STK32A: variants seen among roughly 807,000 people sequenced by gnomAD.
STK32A encodes the protein serine/threonine-protein kinase 32A.
A neutral mutation model predicts 53.2 loss-of-function variants in STK32A; 41 were observed. That is an observed-to-expected ratio of 0.77 (90% CI 0.60 to 1.00). The LOEUF (loss-of-function observed/expected upper bound fraction) is 1.00. Among genes scored for constraint, STK32A ranks in the 50% least tolerant of loss-of-function variants. The probability of loss-of-function intolerance (pLI) is 0.00; values close to 1 mark genes in which losing one functional copy is unlikely to be tolerated. For missense variants in STK32A, 458 were observed against 485.8 expected, an observed-to-expected ratio of 0.94 and a Z score of 0.54; for synonymous variants, 166 against 162.8, an observed-to-expected ratio of 1.02 and a Z score of -0.15.
chr5:147,276,845 T>A (rs1755283341), intron 2 of STK32A, among the ~76,000 whole-genome samples: 1 of 152,200 alleles, frequency 6.6e-6, no homozygotes, highest in Non-Finnish European at 1.5e-5. Context: ...TCAGTCCAAT[T>A]TTTTTCTTTT....
the STK32A span, among the ~76,000 whole-genome samples, chr5:147,398,557 C>T: frequency 6.6e-6 from 1 of 152,144 alleles, no homozygotes; most frequent in Non-Finnish European, 1.5e-5. Flanking sequence ...CAGTGTCGAG[C>T]CCGTTTCTGT....
At chr5:147,248,957 C>G (rs1440864049) in intron 2 of STK32A, among the ~76,000 whole-genome samples, 2 of 152,032 alleles carry the variant, frequency 1.3e-5, no homozygotes, top group Non-Finnish European at 2.9e-5. Context: ...AAGTGATAGG[C>G]TCTAGAACTG....
chr5:147,302,660 G>A (rs1292207055), intron 4 of STK32A, among the ~76,000 whole-genome samples: 1 of 152,080 alleles, frequency 6.6e-6, no homozygotes, highest in East Asian at 1.9e-4. Context: ...GGAAAGGGGA[G>A]GTCTGGTCTC....
intron 5 of STK32A, among the ~76,000 whole-genome samples, chr5:147,331,932 G>A (rs1434319668): frequency 6.6e-6 from 1 of 152,212 alleles, no homozygotes; most frequent in Non-Finnish European, 1.5e-5. Flanking sequence ...CATGGGCCCT[G>A]CTGGCATCTT....
intron 1 of STK32A, among the ~76,000 whole-genome samples, chr5:147,236,328 G>T (rs761951080): frequency 1.3e-5 from 2 of 152,070 alleles, no homozygotes; most frequent in African/African-American, 2.4e-5. Context: ...ATATGCTTTG[G>T]ATTTTCATTT....
rs543912258 is a variant in STK32A at position 147,351,174 on chromosome 5, C to CT, written c.562+30dup. On this transcript the variant is annotated intron_variant, in intron 7 of 12. Coordinates refer to ENST00000397936, the MANE Select transcript of STK32A (RefSeq NM_001112724.2). ...ACATGGGTATGGGTTTCATGAGTGT[C>CT]TTTTTTTTTTCTTTCCTGTAAATAC... 8,837 of 1,415,042 alleles carry CT rather than the reference C, an allele frequency of 6.2e-3. No homozygotes were observed. The highest frequency in any genetic ancestry group is 7.2e-3 in the Non-Finnish European group (7,504 of 1,037,586). 87.7% of individuals were successfully genotyped at this position (1,415,042 alleles called of 1,614,324 possible). A position where few individuals can be genotyped will look rare whatever the true frequency, so the allele number is the denominator to read the frequency against.
At chr5:147,314,740 C>CTTTTTTTTTTT (rs780298418) in intron 4 of STK32A, among the ~76,000 whole-genome samples, 2 of 136,034 alleles carry the variant, frequency 1.5e-5, no homozygotes, top group African/African-American at 2.7e-5. Context: ...CTTTCTTTTT[C>CTTTTTTTTTTT]TTTTTTTTTT....
rs1050075014 is a variant in STK32A at position 147,241,743 on chromosome 5, C to T, written c.52+2057C>T. Among the ~76,000 whole-genome samples the T allele has an allele frequency of 1.3e-5, 2 of 152,222 alleles. 1 individual carries two copies. The highest frequency in any genetic ancestry group is 4.2e-4 in the South Asian group (2 of 4,814). On this transcript the variant is annotated intron_variant, in intron 2 of 12. Transcript: ENST00000397936. ...GTGATATTACTTAATTTTTCTGTCT[C>T]TAAAATGGAAAGACAAATAGGCTTG... is the stretch of plus-strand genomic sequence containing the variant.
At chr5:147,262,527 A>AT (rs1754624323) in intron 2 of STK32A, among the ~76,000 whole-genome samples, 1 of 152,084 alleles carries the variant, frequency 6.6e-6, no homozygotes, top group South Asian at 2.1e-4. Context: ...TATCTCATTT[A>AT]ATACCTACCA....
the STK32A span, among the ~76,000 whole-genome samples, chr5:147,398,626 C>G: frequency 0.5 from 75,982 of 152,038 alleles, 20,472 homozygotes; most frequent in African/African-American, 0.7. Context: ...GAAGTCATCA[C>G]TGCTGTTTAC....
At chr5:147,245,838 T>C (rs1290084518) in intron 2 of STK32A, among the ~76,000 whole-genome samples, 1 of 152,178 alleles carries the variant, frequency 6.6e-6, no homozygotes, top group African/African-American at 2.4e-5. Context: ...GGCAACACCA[T>C]CTCCTAGGAT....
At chr5:147,259,372 C>T (rs1378136120) in intron 2 of STK32A, among the ~76,000 whole-genome samples, 5 of 151,996 alleles carry the variant, frequency 3.3e-5, no homozygotes, top group East Asian at 1.9e-4. Context: ...TCGGGCCATC[C>T]GCGGGTTACT....
rs80031179 is a variant in STK32A at position 147,350,646 on chromosome 5, G to A, written c.473-419G>A. ...GCCTTCCAAAGTGCTAGGATTACAG[G>A]GGTGAGCCACCACGCCCAGCCTATT... On this transcript the variant is annotated intron_variant, in intron 6 of 12. Coordinates refer to ENST00000397936, the MANE Select transcript of STK32A (RefSeq NM_001112724.2). 2.6e-5 allele frequency among the ~76,000 whole-genome samples: 4 copies of A among 152,152 alleles called. No individual in the cohort carries two copies. In the East Asian group the frequency reaches 7.7e-4, roughly 29 times the overall value.
At chr5:147,364,808 C>T (rs1756672866) in intron 8 of STK32A, among the ~76,000 whole-genome samples, 1 of 152,156 alleles carries the variant, frequency 6.6e-6, no homozygotes, top group Non-Finnish European at 1.5e-5. Flanking sequence ...CTCCCAAGGG[C>T]TTCATCTCCA....
At chr5:147,301,006 G>A (rs1753104516) in intron 4 of STK32A, among the ~76,000 whole-genome samples, 1 of 152,146 alleles carries the variant, frequency 6.6e-6, no homozygotes, top group South Asian at 2.1e-4. Flanking sequence ...ACTGATAAAA[G>A]GCAGATTCAT....
At chr5:147,367,946 C>G (rs1205976573) in intron 8 of STK32A, among the ~76,000 whole-genome samples, 3 of 152,236 alleles carry the variant, frequency 2.0e-5, no homozygotes, top group East Asian at 1.9e-4. Context: ...ATCAATACAA[C>G]TCAAGCACAG....
rs1329363779 is a variant in STK32A, at chr5:147,264,719, C to A, written c.53-13405C>A. On this transcript the variant is annotated intron_variant, in intron 2 of 12. Coordinates refer to ENST00000397936, the MANE Select transcript of STK32A (RefSeq NM_001112724.2). Reference sequence around the variant, plus strand: ...ATCTACCACCTTGAATATTCAATAACTAATGCCTAAAATGAAAAAGAAAGG... The same window carrying A: ...ATCTACCACCTTGAATATTCAATAAATAATGCCTAAAATGAAAAAGAAAGG... 3.3e-5 allele frequency among the ~76,000 whole-genome samples: 5 copies of A among 152,126 alleles called. No individual in the cohort carries two copies. In the East Asian group the frequency reaches 9.7e-4, roughly 29 times the overall value.
chr5:147,401,459 G>T, the STK32A span: 1 of 1,455,858 alleles, frequency 6.9e-7, no homozygotes, highest in South Asian at 1.4e-5. Context: ...TTATAGATGG[G>T]ACTGCTCCTG....
intron 6 of STK32A, chr5:147,348,609 T>C (rs1755804436): frequency 2.8e-6 from 2 of 722,090 alleles, no homozygotes; most frequent in African/African-American, 1.7e-5. Context: ...CTGAGTCAGC[T>C]TGGAAATCTA....
Sources: allele counts gnomAD v4.1 joint callset (sites outside exome capture counted in the v4.1 genomes callset), GRCh38; gene constraint gnomAD v4.1.1; transcripts MANE v1.5; gene names NCBI Gene and HGNC (gene_info 2026-07-23, HGNC 2026-07-21).